Variants in PRMT1 observed in about 807,000 individuals in gnomAD.
The protein encoded by PRMT1 is protein arginine methyltransferase 1.
Under a neutral mutation model 47.4 loss-of-function variants are expected in PRMT1, and 5 were observed. That is an observed-to-expected ratio of 0.11 (90% CI 0.06 to 0.22). The LOEUF is 0.22. Among genes scored for constraint, PRMT1 ranks in the 10% least tolerant of loss-of-function variants. The pLI is 1.00. For missense variants in PRMT1, 249 were observed against 518.4 expected (o/e 0.48, Z 5.05); for synonymous variants, 227 against 204.6 (o/e 1.11, Z -0.94).
upstream of PRMT1, chr19:49,676,375 C>G (rs1473077645): frequency 2.0e-5 from 3 of 152,218 alleles, no homozygotes; most frequent in Non-Finnish European, 4.4e-5. Flanking sequence ...AGGAAAGCTT[C>G]CCGGAGGAAG....
chr19:49,682,060 A>G lies in PRMT1; in HGVS notation c.343A>G (p.Ile115Val), dbSNP rs779595641. ...TGCCAAGGCCGGGGCCCGCAAGGTCATCGGGGTGAGTCTCCAGGGTGGCCA... is the reference window on the plus strand; with the variant it reads ...TGCCAAGGCCGGGGCCCGCAAGGTCGTCGGGGTGAGTCTCCAGGGTGGCCA... ...FAAKAGARKV[I>V]GIECSSISDY... is the part of the protein sequence containing the mutation. Residue 115 changes from isoleucine (I) to valine (V), a missense_variant, in exon 4 of 11, where the codon ATC becomes GTC. Physicochemically the swap from Ile to Val is conservative, Grantham distance 29. This residue lies in a region of PRMT1 where 190 missense variants were observed against 456.7 expected (regional missense o/e 0.42). Transcript: ENST00000454376. The G allele has an allele frequency of 3.7e-6, 6 of 1,614,086 alleles. No homozygotes were observed. In the East Asian group the frequency reaches 6.7e-5, roughly 18 times the overall value.
chr19:49,679,677 C>G (rs2082086544), intron 1 of PRMT1, 195 bp from the exon 2 acceptor site: 1 of 672,104 alleles, frequency 1.5e-6, no homozygotes, highest in Non-Finnish European at 2.7e-6. Flanking sequence ...TAGGAGACCC[C>G]CCTTTCTTCT....
In PRMT1 at chr19:49,686,724, A is replaced by G; in HGVS notation, c.1030A>G (p.Asn344Asp). Residue 344 changes from asparagine to aspartate, a missense_variant and splice_region_variant, in exon 10 of 11, where the codon AAC becomes GAC. Coordinates refer to ENST00000454376, the MANE Select transcript of PRMT1 (RefSeq NM_001536.6). ...CGGCATGCGGCCCAACGCCAAGAAC[A>G]ACGTGAGGCTCCGGGCAGCTGGGTG... ...TIGMRPNAKN[N>D]RDLDFTIDLD... 6.2e-7 allele frequency: 1 copy of G among 1,604,786 alleles called. No homozygotes were observed. The highest frequency in any genetic ancestry group is 8.5e-7 in the Non-Finnish European group (1 of 1,174,916).
chr19:49,676,278 G>A (rs1379296521), upstream of PRMT1: 1 of 152,340 alleles, frequency 6.6e-6, no homozygotes, highest in Non-Finnish European at 1.5e-5. Flanking sequence ...GAGGGAAGTA[G>A]AGGGATCGGG....
At position 49,680,360 on chromosome 19, in the gene PRMT1, G is replaced by A. The variant is rs1404444697; in HGVS notation, c.91-127G>A. 4.5e-6 allele frequency: 5 copies of A among 1,112,544 alleles called. No individual in the cohort carries two copies. Among genetic ancestry groups the A allele is most frequent in the Non-Finnish European group, 5.4e-6 (4 of 739,704 alleles). The allele number at this position is 1,112,544 out of a possible 1,614,324, so 68.9% of individuals were successfully genotyped here. On this transcript the variant is annotated intron_variant, in intron 2 of 10. Coordinates refer to ENST00000454376, the MANE Select transcript of PRMT1 (RefSeq NM_001536.6). The surrounding 1 kb of genome is among the most constrained non-coding windows in gnomAD (Gnocchi z 4.2). ...GGGGGCAAGATGGCAGGCGGGGGCT[G>A]TAGGGTTGTCATGGTATGATTTTGG...
In PRMT1 at chr19:49,684,193, A is replaced by G; in HGVS notation, c.555+124A>G. ...GGGGCTTAGCTGCAAGGTGTTAGAA[A>G]GCCACAGCCCAAGCCAGGTGTGACA... is the stretch of plus-strand genomic sequence containing the variant. On this transcript the variant is annotated intron_variant, in intron 6 of 10. Coordinates refer to ENST00000454376, the MANE Select transcript of PRMT1 (RefSeq NM_001536.6). This position sits in a 1 kb window ranked among gnomAD's most constrained non-coding sequence, Gnocchi z 6.2. 1 of 1,359,618 alleles carries G rather than the reference A, an allele frequency of 7.4e-7. No individual in the cohort carries two copies. The highest frequency in any genetic ancestry group is 1.0e-6 in the Non-Finnish European group (1 of 981,102). The allele number at this position is 1,359,618 out of a possible 1,614,324, so 84.2% of individuals were successfully genotyped here. A position where few individuals can be genotyped will look rare whatever the true frequency, so the allele number is the denominator to read the frequency against.
intron 1 of PRMT1, chr19:49,677,591 C>T (rs1247546287): frequency 8.4e-6 from 3 of 358,964 alleles, no homozygotes; most frequent in African/African-American, 6.3e-5. Flanking sequence ...CACGTGGCCG[C>T]TGCGCGGTGG....
Position 49,682,064 on chromosome 19 carries a change from G to A in PRMT1, c.347G>A (p.Gly116Glu). Residue 116 changes from glycine (G) to glutamate (E), a missense_variant and splice_region_variant, in exon 4 of 11, where the codon GGG becomes GAG. By Grantham distance (98) the Gly-to-Glu change is moderately conservative. Around this residue, in one of 2 missense-constraint regions of PRMT1, gnomAD observed 190 missense variants for 456.7 expected, o/e 0.42. Coordinates refer to ENST00000454376, the MANE Select transcript of PRMT1 (RefSeq NM_001536.6). ...AAKAGARKVI[G>E]IECSSISDYA... Reference sequence around the variant, plus strand: ...AAGGCCGGGGCCCGCAAGGTCATCGGGGTGAGTCTCCAGGGTGGCCAGGCG... The same window carrying A: ...AAGGCCGGGGCCCGCAAGGTCATCGAGGTGAGTCTCCAGGGTGGCCAGGCG... 1 of 1,614,130 alleles carries A rather than the reference G, an allele frequency of 6.2e-7. No homozygotes were observed. Among genetic ancestry groups the A allele is most frequent in the Non-Finnish European group, 8.5e-7 (1 of 1,180,010 alleles).
chr19:49,677,977 G>C (rs1168456515), intron 1 of PRMT1, among the ~76,000 whole-genome samples: 1 of 152,154 alleles, frequency 6.6e-6, no homozygotes, highest in Admixed American at 6.5e-5. Flanking sequence ...CCTCGCCCAG[G>C]GCTTTAGGAG....
At position 49,684,715 on chromosome 19, in the gene PRMT1, C is replaced by G; in HGVS notation, c.556-39C>G. On this transcript the variant is annotated intron_variant, in intron 6 of 10. Coordinates refer to ENST00000454376, the MANE Select transcript of PRMT1 (RefSeq NM_001536.6). The surrounding 1 kb of genome is among the most constrained non-coding windows in gnomAD (Gnocchi z 6.2). ...GAGGCAAGACTCAGGGTAGTGTTGCCAGGCCCCACCCTTCATGCCTCGCCC... is the reference window on the plus strand; with the variant it reads ...GAGGCAAGACTCAGGGTAGTGTTGCGAGGCCCCACCCTTCATGCCTCGCCC... 4.5e-6 allele frequency: 7 copies of G among 1,540,568 alleles called. No individual in the cohort carries two copies. The South Asian group carries it at 8.4e-5, about 18-fold the overall frequency.
At position 49,684,335 on chromosome 19, in the gene PRMT1, G is replaced by A. The variant is rs966578173; in HGVS notation, c.555+266G>A. On this transcript the variant is annotated intron_variant, in intron 6 of 10. Transcript: ENST00000454376. This position sits in a 1 kb window ranked among gnomAD's most constrained non-coding sequence, Gnocchi z 6.2. ...GCCTCCCCGGGAGAGGTGAGGTGACGGAGAGGTGGATGAAGCATACGGAGG... is the reference window on the plus strand; with the variant it reads ...GCCTCCCCGGGAGAGGTGAGGTGACAGAGAGGTGGATGAAGCATACGGAGG... Among the ~76,000 whole-genome samples the A allele has an allele frequency of 5.3e-5, 8 of 152,206 alleles. 1 individual carries two copies. The highest frequency in any genetic ancestry group is 2.6e-4 in the Admixed American group (4 of 15,302).
rs530242811 is a variant in PRMT1, at chr19:49,682,106, A to G, written c.348+41A>G. On this transcript the variant is annotated intron_variant, in intron 4 of 10. Coordinates refer to ENST00000454376, the MANE Select transcript of PRMT1 (RefSeq NM_001536.6). ...GGCCAGGCGGGGCCGGGCCTGAGGG[A>G]TGGAGGGGAGCCCATCAGGGCTCAG... 6.2e-6 allele frequency: 10 copies of G among 1,613,662 alleles called. No individual in the cohort carries two copies. In the East Asian group the frequency reaches 2.0e-4, roughly 32 times the overall value.
At chr19:49,683,804 C>T in intron 5 of PRMT1, 123 bp from the exon 6 acceptor site, 1 of 1,110,366 alleles carries the variant, frequency 9.0e-7, no homozygotes, top group Non-Finnish European at 1.3e-6. Flanking sequence ...TAGAAGGGTT[C>T]ATGGCTTCTG....
At position 49,684,621 on chromosome 19, in the gene PRMT1, C is replaced by A; in HGVS notation, c.556-133C>A. 2 of 1,064,864 alleles carry A rather than the reference C, an allele frequency of 1.9e-6. No homozygotes were observed. Among genetic ancestry groups the A allele is most frequent in the Non-Finnish European group, 2.7e-6 (2 of 733,886 alleles). 66.0% of individuals were successfully genotyped at this position (1,064,864 alleles called of 1,614,324 possible). A position where few individuals can be genotyped will look rare whatever the true frequency, so the allele number is the denominator to read the frequency against. On this transcript the variant is annotated intron_variant, in intron 6 of 10. Transcript: ENST00000454376. This position sits in a 1 kb window ranked among gnomAD's most constrained non-coding sequence, Gnocchi z 6.2. ...TCTGGCGGCCGTGTGGGAAATAGAC[C>A]AGGGGGCGAGGGGTGAGTGCCGCTG... is the stretch of plus-strand genomic sequence containing the variant.
At chr19:49,687,704 G>GA (rs1398786327) in intron 10 of PRMT1, 3 of 202,184 alleles carry the variant, frequency 1.5e-5, no homozygotes, top group African/African-American at 6.8e-5. Flanking sequence ...GGATACTGGA[G>GA]AGGGAGGAGG....
intron 10 of PRMT1, among the ~76,000 whole-genome samples, chr19:49,687,627 G>T (rs939996688): frequency 1.6e-4 from 25 of 151,894 alleles, no homozygotes; most frequent in African/African-American, 6.0e-4. Flanking sequence ...TAAATGTCCT[G>T]CAGCCACAGG....
At chr19:49,677,517 T>A in intron 1 of PRMT1, 1 of 421,628 alleles carries the variant, frequency 2.4e-6, no homozygotes, top group Non-Finnish European at 4.1e-6. Flanking sequence ...GCATCCGGCC[T>A]AGCGGAGGGT....
chr19:49,680,576 T>C lies in PRMT1; in HGVS notation c.180T>C (p.Phe60=), dbSNP rs752260181. The change falls in exon 3 of 11, where the codon TTT becomes TTC. Residue 60 remains phenylalanine, a synonymous_variant. Coordinates refer to ENST00000454376, the MANE Select transcript of PRMT1 (RefSeq NM_001536.6). The surrounding 1 kb of genome is among the most constrained non-coding windows in gnomAD (Gnocchi z 4.2). ...ACTACTTTGACTCCTACGCACACTT[T>C]GGCATCCACGAGGTCAGTGGGGACA... ...KDYYFDSYAH[F]GIHEEMLKDE... 1.9e-6 allele frequency: 3 copies of C among 1,613,174 alleles called. No individual in the cohort carries two copies. The highest frequency in any genetic ancestry group is 2.2e-5 in the East Asian group (1 of 44,876).
intron 5 of PRMT1, 70 bp from the exon 6 acceptor site, chr19:49,683,857 G>A: frequency 1.3e-6 from 2 of 1,555,208 alleles, no homozygotes; most frequent in Non-Finnish European, 1.7e-6. Context: ...CCAGGCTCTA[G>A]CCCCCGGGGG....
Sources: allele counts gnomAD v4.1 joint callset (sites outside exome capture counted in the v4.1 genomes callset), GRCh38; gene constraint gnomAD v4.1.1; regional missense constraint gnomAD v4.1.1; non-coding constraint Gnocchi (gnomAD v3.1); transcripts MANE v1.5; gene names NCBI Gene and HGNC (gene_info 2026-07-23, HGNC 2026-07-21).